The following CA8 variants were observed in gnomAD, a reference collection of about 807,000 sequenced individuals.
CA8 encodes the protein carbonic anhydrase 8 (inactive).
Under a neutral mutation model 41.4 loss-of-function variants are expected in CA8, and 22 were observed. The observed-to-expected ratio is 0.53, with a 90% CI of 0.38 to 0.76. The LOEUF (loss-of-function observed/expected upper bound fraction) is 0.76, where lower values mean the gene tolerates loss of function less well. Ranked by LOEUF, CA8 falls within the 30% of genes least tolerant of loss-of-function variation. CA8 has a pLI of 0.00. For synonymous variants in CA8, 121 were observed against 130.6 expected (o/e 0.93, Z 0.50); for missense variants, 270 against 352.8 (o/e 0.77, Z 1.88).
chr8:60,281,362 TC>T lies in CA8; in HGVS notation c.-216del, dbSNP rs1407271974. 2 of 568,832 alleles carry T rather than the reference TC, an allele frequency of 3.5e-6. No individual in the cohort carries two copies. The highest frequency in any genetic ancestry group is 3.9e-5 in the African/African-American group (2 of 50,926). 35.2% of individuals were successfully genotyped at this position (568,832 alleles called of 1,614,324 possible). On this transcript the variant is annotated 5_prime_UTR_variant, in exon 1 of 9. Transcript: ENST00000317995. ...TCCAGAGACCCGCGTGGGAAGCGCG[TC>T]CGGAGGCCCCAGCAGAGCGAGGGAG...
At chr8:60,206,476 A>C (rs1350386830) in intron 8 of CA8, among the ~76,000 whole-genome samples, 2 of 152,190 alleles carry the variant, frequency 1.3e-5, no homozygotes, top group African/African-American at 4.8e-5. Context: ...CCCTTCATTA[A>C]AAGTATCATT....
intron 8 of CA8, among the ~76,000 whole-genome samples, chr8:60,193,524 T>C (rs926108237): frequency 1.3e-5 from 2 of 152,214 alleles, no homozygotes; most frequent in Admixed American, 6.5e-5. Flanking sequence ...TTGATATCTA[T>C]AAATGACTAC....
intron 4 of CA8, among the ~76,000 whole-genome samples, chr8:60,231,969 G>T (rs1487356054): frequency 1.3e-5 from 2 of 152,090 alleles, no homozygotes; most frequent in Non-Finnish European, 1.5e-5. Context: ...GTAAACCAGG[G>T]TCTAAAGAAA....
At position 60,244,003 on chromosome 8, in the gene CA8, A is replaced by C. The variant is rs371010725; in HGVS notation, c.418-11624T>G. 3.3e-5 allele frequency among the ~76,000 whole-genome samples: 5 copies of C among 152,176 alleles called. 1 individual carries two copies. The South Asian group carries it at 8.3e-4, about 25-fold the overall frequency. ...ACCATATCCCTTTATTAAACTGCCC[A>C]GTAAAATATCTCCAGTGGGATATTT... On this transcript the variant is annotated intron_variant, in intron 3 of 8. Transcript: ENST00000317995.
At chr8:60,216,337 T>C (rs1033206713) in intron 7 of CA8, among the ~76,000 whole-genome samples, 1 of 151,734 alleles carries the variant, frequency 6.6e-6, no homozygotes. Context: ...TGCATTTTAA[T>C]ATACGTAAAT....
At chr8:60,229,553 C>G (rs1417940595) in intron 4 of CA8, among the ~76,000 whole-genome samples, 2 of 152,162 alleles carry the variant, frequency 1.3e-5, no homozygotes, top group Non-Finnish European at 2.9e-5. Flanking sequence ...CAGGGGGTGA[C>G]CCATCCCCTC....
intron 8 of CA8, among the ~76,000 whole-genome samples, chr8:60,192,952 C>T (rs1806173724): frequency 6.6e-6 from 1 of 151,198 alleles, no homozygotes; most frequent in African/African-American, 2.4e-5. Flanking sequence ...CACACACACA[C>T]ACACACACAC....
intron 6 of CA8, among the ~76,000 whole-genome samples, chr8:60,223,332 C>T (rs1807313694): frequency 6.6e-6 from 1 of 152,080 alleles, no homozygotes; most frequent in Admixed American, 6.6e-5. Context: ...CTCTATCACC[C>T]AGGCTGCTGG....
At chr8:60,249,025 G>A (rs1808351543) in intron 3 of CA8, among the ~76,000 whole-genome samples, 1 of 152,100 alleles carries the variant, frequency 6.6e-6, no homozygotes, top group South Asian at 2.1e-4. Flanking sequence ...TGTAGCAATT[G>A]TGAATGGGAG....
At position 60,187,049 on chromosome 8, in the gene CA8, A is replaced by G. The variant is rs904266253; in HGVS notation, c.*2972T>C. On this transcript the variant is annotated 3_prime_UTR_variant, in exon 9 of 9. Coordinates refer to ENST00000317995, the MANE Select transcript of CA8 (RefSeq NM_004056.6). ...GTACAATACATACTCTTAAGTACAC[A>G]TGGATTATTCTGCAGGATAAACCAT... is the stretch of plus-strand genomic sequence containing the variant. 5.9e-5 allele frequency among the ~76,000 whole-genome samples: 9 copies of G among 152,102 alleles called. No homozygotes were observed. The highest frequency in any genetic ancestry group is 1.2e-4 in the Non-Finnish European group (8 of 67,942).
chr8:60,263,054 T>C (rs7815042), intron 3 of CA8, among the ~76,000 whole-genome samples: 51,984 of 152,070 alleles, frequency 0.34, 9,040 homozygotes, highest in Non-Finnish European at 0.38. Context: ...TTAAAAGCTG[T>C]TCCTGGCCAG....
intron 8 of CA8, among the ~76,000 whole-genome samples, chr8:60,196,130 G>A (rs562240411): frequency 5.3e-5 from 8 of 152,060 alleles, no homozygotes; most frequent in African/African-American, 7.2e-5. Context: ...AATAATCAGC[G>A]GAAATCTTAC....
chr8:60,261,510 T>C (rs558887956), intron 3 of CA8, among the ~76,000 whole-genome samples: 2 of 152,308 alleles, frequency 1.3e-5, no homozygotes, highest in South Asian at 4.1e-4. Flanking sequence ...GCAGGATCAG[T>C]GCCTATCCCT....
chr8:60,266,529 T>A (rs887330520), intron 2 of CA8, among the ~76,000 whole-genome samples: 2 of 152,202 alleles, frequency 1.3e-5, no homozygotes, highest in Non-Finnish European at 1.5e-5. Context: ...AAATTATCCA[T>A]GAAGAGGATT....
intron 8 of CA8, among the ~76,000 whole-genome samples, chr8:60,204,666 A>G (rs1806527453): frequency 6.6e-6 from 1 of 152,180 alleles, no homozygotes; most frequent in Non-Finnish European, 1.5e-5. Context: ...CTGGTAGGAA[A>G]TCCATTCCAG....
chr8:60,237,643 GC>G (rs1807879377), intron 3 of CA8, among the ~76,000 whole-genome samples: 1 of 152,222 alleles, frequency 6.6e-6, no homozygotes, highest in African/African-American at 2.4e-5. Flanking sequence ...CTGAGGGGCT[GC>G]CTCTTGCAGC....
chr8:60,266,497 C>T (rs1347811904), intron 2 of CA8, among the ~76,000 whole-genome samples: 2 of 152,126 alleles, frequency 1.3e-5, no homozygotes, highest in South Asian at 2.1e-4. Context: ...TCCAATTTAG[C>T]GAACGGGTGT....
intron 8 of CA8, among the ~76,000 whole-genome samples, chr8:60,206,993 T>C (rs936137060): frequency 1.3e-5 from 2 of 151,568 alleles, no homozygotes; most frequent in Non-Finnish European, 2.9e-5. Context: ...TGCTGCGGCC[T>C]CCTGCCCCAC....
At chr8:60,239,636 G>A (rs896648875) in intron 3 of CA8, among the ~76,000 whole-genome samples, 4 of 152,208 alleles carry the variant, frequency 2.6e-5, no homozygotes, top group African/African-American at 7.2e-5. Flanking sequence ...TGACCTTGTA[G>A]AGTTGGTTCA....
Sources: gnomAD v4.1 joint callset for allele counts (sites outside exome capture counted in the v4.1 genomes callset) on GRCh38, gnomAD v4.1.1 for gene constraint, MANE v1.5 for transcripts, NCBI Gene and HGNC (gene_info 2026-07-23, HGNC 2026-07-21) for gene names.